GRIK1: variants seen among roughly 807,000 people sequenced by gnomAD.
GRIK1 encodes glutamate ionotropic receptor kainate type subunit 1, also known as glutamate receptor ionotropic, kainate 1.
A neutral mutation model predicts 105.7 loss-of-function variants in GRIK1; 69 were observed. That is an observed-to-expected ratio of 0.65 (90% CI 0.54 to 0.80). The LOEUF is 0.80. GRIK1 is among the 30% of genes least tolerant of loss of function. The pLI, the probability that GRIK1 is intolerant of heterozygous loss-of-function variation, is 0.00. For missense variants in GRIK1, 1,109 were observed against 1,167.3 expected (o/e 0.95, Z 0.73); for synonymous variants, 438 against 431.3 (o/e 1.02, Z -0.19).
intron 4 of GRIK1, among the ~76,000 whole-genome samples, chr21:29,659,687 GC>G (rs1555861492): frequency 4.6e-5 from 7 of 152,168 alleles, no homozygotes; most frequent in Non-Finnish European, 2.9e-5. Flanking sequence ...CCGGCCAGGC[GC>G]GGTGGCTCAC....
At chr21:29,561,148 T>G (rs1348905033) in intron 15 of GRIK1, among the ~76,000 whole-genome samples, 1 of 152,186 alleles carries the variant, frequency 6.6e-6, no homozygotes, top group African/African-American at 2.4e-5. Context: ...GACTTATAAT[T>G]TAATCTTTAT....
chr21:29,912,812 G>A (rs905670378), intron 1 of GRIK1, among the ~76,000 whole-genome samples: 3 of 152,028 alleles, frequency 2.0e-5, no homozygotes, highest in African/African-American at 4.8e-5. Flanking sequence ...GAGAGGGTAT[G>A]TGAAGAGTTC....
At position 29,654,810 on chromosome 21, in the gene GRIK1, C is replaced by G. The variant is rs372042615; in HGVS notation, c.780G>C (p.Leu260=). Residue 260 remains leucine (L), a splice_region_variant and synonymous_variant, in exon 5 of 18, where the codon CTG becomes CTC. Coordinates refer to ENST00000327783, the MANE Select transcript of GRIK1 (RefSeq NM_001330994.2). ...TEYYHYFFTT[L]DLFALDLELY... ...ATACATTTCTCCCAGATGCACTTAC[C>G]AGGGTTGTGAAAAAGTAGTGATAGT... The G allele has an allele frequency of 6.5e-7, 1 of 1,544,684 alleles. No individual in the cohort carries two copies. Among genetic ancestry groups the G allele is most frequent in the Non-Finnish European group, 9.0e-7 (1 of 1,116,652 alleles).
chr21:29,784,208 C>T (rs149786263), intron 1 of GRIK1, among the ~76,000 whole-genome samples: 39 of 152,262 alleles, frequency 2.6e-4, no homozygotes, highest in African/African-American at 8.7e-4. Context: ...AATAGTCTCA[C>T]GTTGATGGAT....
chr21:29,607,049 A>G (rs2061637211), intron 7 of GRIK1, among the ~76,000 whole-genome samples: 1 of 152,186 alleles, frequency 6.6e-6, no homozygotes, highest in African/African-American at 2.4e-5. Context: ...GGCAAGTCTC[A>G]TGAACACAGT....
chr21:29,684,953 C>T (rs2063461066), intron 3 of GRIK1, among the ~76,000 whole-genome samples: 1 of 152,164 alleles, frequency 6.6e-6, no homozygotes, highest in African/African-American at 2.4e-5. Flanking sequence ...TAATATCTAT[C>T]ATCTACCTAT....
intron 3 of GRIK1, among the ~76,000 whole-genome samples, chr21:29,676,446 T>G (rs1458994494): frequency 6.6e-6 from 1 of 152,240 alleles, no homozygotes; most frequent in African/African-American, 2.4e-5. Context: ...AGCTTTCCCT[T>G]ATATTTGCAT....
intron 10 of GRIK1, among the ~76,000 whole-genome samples, chr21:29,590,009 C>T (rs1209323256): frequency 6.6e-6 from 1 of 152,086 alleles, no homozygotes; most frequent in Non-Finnish European, 1.5e-5. Flanking sequence ...ATCATCAGTC[C>T]CCTCTCCTAT....
chr21:29,641,352 A>AT (rs2146521656), intron 7 of GRIK1, among the ~76,000 whole-genome samples: 1 of 152,124 alleles, frequency 6.6e-6, no homozygotes, highest in Admixed American at 6.5e-5. Context: ...TATAAATGGG[A>AT]TTTTCCCTGC....
intron 1 of GRIK1, among the ~76,000 whole-genome samples, chr21:29,833,204 A>G (rs2067690705): frequency 6.6e-6 from 1 of 152,162 alleles, no homozygotes. Flanking sequence ...TGATATTACT[A>G]TCAGCATTTT....
intron 1 of GRIK1, among the ~76,000 whole-genome samples, chr21:29,727,331 A>G (rs1045973885): frequency 6.6e-6 from 1 of 152,196 alleles, no homozygotes; most frequent in Non-Finnish European, 1.5e-5. Context: ...TGTTTATCAC[A>G]TTGTTTTTCG....
rs114870329 is a variant in GRIK1, at chr21:29,815,110, T to G, written c.119-121047A>C. 5.6e-3 allele frequency among the ~76,000 whole-genome samples: 848 copies of G among 152,212 alleles called. 3 individuals are homozygous for G. The highest frequency in any genetic ancestry group is 0.02 in the African/African-American group (812 of 41,536). ...TCTTCTGGCTTATCTACTCTTAACTTAAGTACTATGTAATAATAAAGTCAA... is the reference window on the plus strand; with the variant it reads ...TCTTCTGGCTTATCTACTCTTAACTGAAGTACTATGTAATAATAAAGTCAA... On this transcript the variant is annotated intron_variant, in intron 1 of 17. Coordinates refer to ENST00000327783, the MANE Select transcript of GRIK1 (RefSeq NM_001330994.2).
At chr21:29,821,032 G>A (rs946261829) in intron 1 of GRIK1, among the ~76,000 whole-genome samples, 1 of 149,680 alleles carries the variant, frequency 6.7e-6, no homozygotes. Flanking sequence ...AAACTGTTAG[G>A]AGCACCAACC....
rs2061466591 is a variant in GRIK1 at position 29,598,906 on chromosome 21, G to C, written c.1130C>G (p.Thr377Ser). 1 of 1,592,142 alleles carries C rather than the reference G, an allele frequency of 6.3e-7. No individual in the cohort carries two copies. The highest frequency in any genetic ancestry group is 1.3e-5 in the African/African-American group (1 of 74,302). Residue 377 changes from threonine to serine, a missense_variant, in exon 8 of 18, where the codon ACC becomes AGC. Thr to Ser is a moderately conservative substitution (Grantham distance 58). Coordinates refer to ENST00000327783, the MANE Select transcript of GRIK1 (RefSeq NM_001330994.2). ...ARWDGLTGHI[T>S]FNKTNGLRKD... ...CCTCAAGCCATTGGTTTTATTAAAGGTGATATGCCCAGTCAAGCCATCCCA... is the reference window on the plus strand; with the variant it reads ...CCTCAAGCCATTGGTTTTATTAAAGCTGATATGCCCAGTCAAGCCATCCCA...
chr21:29,920,270 T>C (rs538370035), intron 1 of GRIK1, among the ~76,000 whole-genome samples: 13 of 152,062 alleles, frequency 8.5e-5, no homozygotes, highest in South Asian at 2.1e-4. Context: ...TAGTTTCATT[T>C]TCCCATTATT....
intron 1 of GRIK1, among the ~76,000 whole-genome samples, chr21:29,863,107 C>T (rs1424180894): frequency 6.6e-6 from 1 of 152,086 alleles, no homozygotes; most frequent in Non-Finnish European, 1.5e-5. Context: ...AAATACTGGA[C>T]CATAAAATTA....
rs142359673 is a variant in GRIK1, at chr21:29,780,172, A to C, written c.119-86109T>G. Among the ~76,000 whole-genome samples the C allele has an allele frequency of 1.2e-3, 181 of 152,348 alleles. 1 individual carries two copies. Among genetic ancestry groups the C allele is most frequent in the African/African-American group, 4.0e-3 (165 of 41,578 alleles). On this transcript the variant is annotated intron_variant, in intron 1 of 17. Transcript: ENST00000327783. ...TGTAGCTAATTGGATGCCAGCTAGT[A>C]TCTACTTACTCTGAAATTAGTAAGT...
chr21:29,571,704 C>T (rs1250160757), intron 14 of GRIK1, among the ~76,000 whole-genome samples: 1 of 152,128 alleles, frequency 6.6e-6, no homozygotes, highest in Non-Finnish European at 1.5e-5. Context: ...TGTCTGAATC[C>T]CTTTCCTCCC....
At chr21:29,882,338 C>T (rs957161741) in intron 1 of GRIK1, among the ~76,000 whole-genome samples, 2 of 152,128 alleles carry the variant, frequency 1.3e-5, no homozygotes, top group Non-Finnish European at 2.9e-5. Context: ...TATTTTTAAA[C>T]GTTTTAACAT....
Sources: allele counts gnomAD v4.1 joint callset (sites outside exome capture counted in the v4.1 genomes callset), GRCh38; gene constraint gnomAD v4.1.1; transcripts MANE v1.5; gene names NCBI Gene and HGNC (gene_info 2026-07-23, HGNC 2026-07-21).